The following TLK1 variants were observed in gnomAD, a reference collection of about 807,000 sequenced individuals.
TLK1 encodes the protein serine/threonine-protein kinase tousled-like 1.
Under a neutral mutation model 105.3 loss-of-function variants are expected in TLK1, and 24 were observed. That is an observed-to-expected ratio of 0.23 (90% CI 0.17 to 0.32). The LOEUF (loss-of-function observed/expected upper bound fraction) is 0.32. TLK1 is among the 10% of genes least tolerant of loss of function. The pLI is 1.00. For synonymous variants in TLK1, 321 were observed against 310.4 expected (o/e 1.03, Z -0.36); for missense variants, 558 against 910.5 (o/e 0.61, Z 4.98).
At chr2:171,040,950 A>G (rs1287341721) in intron 11 of TLK1, among the ~76,000 whole-genome samples, 1 of 152,204 alleles carries the variant, frequency 6.6e-6, no homozygotes, top group Non-Finnish European at 1.5e-5. Flanking sequence ...ATAATATATG[A>G]GGTAAAATAT....
At chr2:171,218,842 T>TTGCA (rs2105329592) in intron 1 of TLK1, among the ~76,000 whole-genome samples, 1 of 152,312 alleles carries the variant, frequency 6.6e-6, no homozygotes, top group Admixed American at 6.5e-5. Context: ...CTTAATACCC[T>TTGCA]TGCATTAGAC....
At chr2:171,178,043 C>T (rs1029798051) in intron 1 of TLK1, among the ~76,000 whole-genome samples, 1 of 152,180 alleles carries the variant, frequency 6.6e-6, no homozygotes, top group Non-Finnish European at 1.5e-5. Context: ...GGTGATCCAC[C>T]CGCCTTGGCC....
chr2:171,007,917 ATTTTAACAGC>A (rs1294741718), intron 14 of TLK1, among the ~76,000 whole-genome samples: 1 of 152,134 alleles, frequency 6.6e-6, no homozygotes, highest in Non-Finnish European at 1.5e-5. Flanking sequence ...AATGATCAGT[ATTTTAACAGC>A]TTTACATGAC....
chr2:171,089,595 T>C (rs1270395431), intron 2 of TLK1, among the ~76,000 whole-genome samples: 1 of 152,248 alleles, frequency 6.6e-6, no homozygotes, highest in Non-Finnish European at 1.5e-5. Context: ...CAGATGGGTC[T>C]ACTGCTGGAC....
chr2:170,993,693 AAAAG>A lies in TLK1; in HGVS notation c.*83_*86del, dbSNP rs1370452134. ...TAAAAAAAAAAAAAAAAAAAAAAGA[AAAAG>A]AAAACAAACACTCAAATGCTCTCAA... On this transcript the variant is annotated 3_prime_UTR_variant, in exon 21 of 21. Transcript: ENST00000431350. 1.2e-4 allele frequency: 122 copies of A among 1,057,356 alleles called. No individual in the cohort carries two copies. Among genetic ancestry groups the A allele is most frequent in the African/African-American group, 7.3e-4 (44 of 60,410 alleles). The allele number at this position is 1,057,356 out of a possible 1,614,324, so 65.5% of individuals were successfully genotyped here.
At chr2:171,108,065 A>C (rs33998392) in intron 2 of TLK1, among the ~76,000 whole-genome samples, 32,274 of 136,666 alleles carry the variant, frequency 0.24, 4,064 homozygotes, top group Middle Eastern at 0.32. Flanking sequence ...CTCAAAAAAA[A>C]AACAACAACA....
At chr2:171,009,926 C>T (rs1357720823) in intron 14 of TLK1, among the ~76,000 whole-genome samples, 1 of 152,116 alleles carries the variant, frequency 6.6e-6, no homozygotes, top group East Asian at 1.9e-4. Flanking sequence ...GTCAGGGAAG[C>T]TGTTTAGAGG....
chr2:171,152,914 A>T (rs953456294), intron 1 of TLK1, among the ~76,000 whole-genome samples: 2 of 148,298 alleles, frequency 1.3e-5, no homozygotes, highest in South Asian at 2.1e-4. Flanking sequence ...AACTTATCTT[A>T]AAAAAATGAA....
chr2:171,149,099 C>CTTTTTTTTTTTTTTTTTT (rs11335300), intron 1 of TLK1, among the ~76,000 whole-genome samples: 1 of 57,890 alleles, frequency 1.7e-5, no homozygotes, highest in Non-Finnish European at 3.1e-5. Flanking sequence ...AATTACTTTT[C>CTTTTTTTTTTTTTTTTTT]TTTTTTTTTT....
At chr2:171,017,311 T>C (rs905195853) in intron 12 of TLK1, among the ~76,000 whole-genome samples, 1 of 152,222 alleles carries the variant, frequency 6.6e-6, no homozygotes, top group African/African-American at 2.4e-5. Flanking sequence ...TTACTAATGT[T>C]TGCTGCTTAA....
chr2:171,209,852 T>C (rs1471314162), intron 1 of TLK1, among the ~76,000 whole-genome samples: 2 of 152,216 alleles, frequency 1.3e-5, no homozygotes, highest in Admixed American at 6.5e-5. Flanking sequence ...CTTGGACTTC[T>C]AGCCTCCAGA....
At chr2:171,017,906 T>C (rs181035737) in intron 12 of TLK1, among the ~76,000 whole-genome samples, 1 of 152,358 alleles carries the variant, frequency 6.6e-6, no homozygotes, top group African/African-American at 2.4e-5. Context: ...TCTTTCATCT[T>C]GTAAGTTAGT....
At chr2:171,046,736 T>C (rs774939773) in intron 10 of TLK1, among the ~76,000 whole-genome samples, 7 of 152,188 alleles carry the variant, frequency 4.6e-5, no homozygotes, top group Non-Finnish European at 1.0e-4. Flanking sequence ...ATTTATACTG[T>C]TGTATCCCTA....
chr2:171,046,726 A>G (rs1336644516), intron 10 of TLK1, among the ~76,000 whole-genome samples: 2 of 152,176 alleles, frequency 1.3e-5, no homozygotes, highest in South Asian at 2.1e-4. Context: ...TTTATACAGT[A>G]TTTATACTGT....
intron 12 of TLK1, among the ~76,000 whole-genome samples, chr2:171,027,606 A>C (rs925128965): frequency 1.3e-5 from 2 of 152,220 alleles, no homozygotes; most frequent in African/African-American, 2.4e-5. Flanking sequence ...ACAAATTAAA[A>C]GATAAGCCAA....
intron 2 of TLK1, among the ~76,000 whole-genome samples, chr2:171,084,365 C>G (rs1166586619): frequency 6.6e-6 from 1 of 152,046 alleles, no homozygotes; most frequent in African/African-American, 2.4e-5. Context: ...CAGGGTGGTA[C>G]AATGAGTACA....
chr2:171,159,769 G>A (rs1344676007), intron 1 of TLK1: 1 of 152,742 alleles, frequency 6.5e-6, no homozygotes, highest in East Asian at 1.9e-4. Flanking sequence ...TCTCCCCAAA[G>A]GAGAAACCCA....
chr2:171,134,482 C>T (rs946654415), intron 1 of TLK1, among the ~76,000 whole-genome samples: 4 of 152,060 alleles, frequency 2.6e-5, no homozygotes, highest in Non-Finnish European at 4.4e-5. Context: ...AGAATCTGAA[C>T]AGACATTTCT....
At chr2:171,148,890 A>AAAAATATATAT (rs1445171800) in intron 1 of TLK1, among the ~76,000 whole-genome samples, 1 of 138,470 alleles carries the variant, frequency 7.2e-6, no homozygotes, top group Admixed American at 7.3e-5. Flanking sequence ...AAAAAAAAAA[A>AAAAATATATAT]ATATATATAT....
Sources: gnomAD v4.1 joint callset for allele counts (sites outside exome capture counted in the v4.1 genomes callset) on GRCh38, gnomAD v4.1.1 for gene constraint, MANE v1.5 for transcripts, NCBI Gene and HGNC (gene_info 2026-07-23, HGNC 2026-07-21) for gene names.